PCDHA4: variants seen among roughly 807,000 people sequenced by gnomAD.
The protein encoded by PCDHA4 is protocadherin alpha 4, also known as protocadherin alpha-4.
In PCDHA4, 49 loss-of-function variants were observed where a neutral mutation model predicts 61.4. The ratio of observed to expected loss-of-function variants is 0.80; its 90% confidence interval spans 0.63 to 1.01. The LOEUF (loss-of-function observed/expected upper bound fraction) is 1.01, where lower values mean the gene tolerates loss of function less well. PCDHA4 is among the 50% of genes least tolerant of loss of function. PCDHA4 has a pLI of 0.00. For synonymous variants in PCDHA4, 590 were observed against 550.3 expected, an observed-to-expected ratio of 1.07 and a Z score of -1.01; for missense variants, 1,254 against 1,235.8, an observed-to-expected ratio of 1.01 and a Z score of -0.22.
At chr5:140,834,256 T>A in intron 1 of PCDHA4, 1 of 945,884 alleles carries the variant, frequency 1.1e-6, no homozygotes, top group South Asian at 1.7e-5. Flanking sequence ...GGAAAGACGC[T>A]CCACTCTCTT....
At chr5:140,977,591 A>T (rs1267599253) in intron 1 of PCDHA4, among the ~76,000 whole-genome samples, 2 of 152,164 alleles carry the variant, frequency 1.3e-5, no homozygotes, top group African/African-American at 4.8e-5. Context: ...AGCAGTTAGC[A>T]TGTGAGGACC....
chr5:140,839,017 T>A (rs2150294125), intron 1 of PCDHA4, among the ~76,000 whole-genome samples: 2 of 152,096 alleles, frequency 1.3e-5, no homozygotes, highest in Non-Finnish European at 2.9e-5. Flanking sequence ...TAAATTATTT[T>A]AGGATATGTT....
At chr5:140,848,855 C>T (rs2150422696) in intron 1 of PCDHA4, 6 of 1,590,444 alleles carry the variant, frequency 3.8e-6, no homozygotes, top group Non-Finnish European at 5.2e-6. Context: ...TCCATGTGGA[C>T]GTGGAGGTGA....
At chr5:140,857,314 G>C in intron 1 of PCDHA4, 1 of 1,598,746 alleles carries the variant, frequency 6.3e-7, no homozygotes, top group Non-Finnish European at 8.6e-7. Flanking sequence ...CCTATGAGCT[G>C]GTGGTGACCG....
intron 3 of PCDHA4, among the ~76,000 whole-genome samples, chr5:141,003,288 T>C (rs2098118136): frequency 2.0e-5 from 3 of 152,182 alleles, no homozygotes; most frequent in African/African-American, 7.2e-5. Context: ...AATTGGATTA[T>C]AGGATTACAT....
At chr5:141,005,967 A>ACAATTC (rs1554260442) in intron 3 of PCDHA4, among the ~76,000 whole-genome samples, 1 of 152,062 alleles carries the variant, frequency 6.6e-6, no homozygotes, top group Non-Finnish European at 1.5e-5. Flanking sequence ...CAATAAAAAA[A>ACAATTC]CAATTCCAAA....
intron 1 of PCDHA4, among the ~76,000 whole-genome samples, chr5:140,827,481 A>G (rs2150147833): frequency 1.8e-4 from 28 of 152,370 alleles, no homozygotes; most frequent in African/African-American, 6.5e-4. Flanking sequence ...TTGAACAAAG[A>G]AAGCATGGAC....
At chr5:140,922,107 T>C (rs1250364037) in intron 1 of PCDHA4, among the ~76,000 whole-genome samples, 1 of 152,028 alleles carries the variant, frequency 6.6e-6, no homozygotes, top group East Asian at 1.9e-4. Context: ...TATAGATAAA[T>C]GAAAATTCAC....
chr5:140,865,891 G>T (rs2153226953), intron 1 of PCDHA4: 1 of 152,240 alleles, frequency 6.6e-6, no homozygotes, highest in African/African-American at 2.4e-5. Context: ...AGCACAAATT[G>T]TGTACAGGCA....
chr5:141,000,615 A>G (rs2097951954), intron 3 of PCDHA4, among the ~76,000 whole-genome samples: 1 of 150,870 alleles, frequency 6.6e-6, no homozygotes, highest in South Asian at 2.1e-4. Context: ...TTTAGTAGAG[A>G]CAGGGTTTCA....
chr5:140,876,120 T>C (rs782687154), intron 1 of PCDHA4: 15 of 1,613,844 alleles, frequency 9.3e-6, no homozygotes, highest in East Asian at 6.7e-5. Context: ...TGGTAATCGA[T>C]GGCGGTAAAC....
chr5:140,907,616 GCT>G (rs1554193070), intron 1 of PCDHA4, among the ~76,000 whole-genome samples: 1 of 152,216 alleles, frequency 6.6e-6, no homozygotes, highest in Non-Finnish European at 1.5e-5. Context: ...CATATCAAGG[GCT>G]CAGTGTTGGT....
In PCDHA4 at chr5:140,931,701, A is replaced by G. The variant is rs78657610; in HGVS notation, c.2386-47248A>G. Among the ~76,000 whole-genome samples the G allele has an allele frequency of 8.3e-3, 1,259 of 152,106 alleles. 10 individuals are homozygous for G. Among genetic ancestry groups the G allele is most frequent in the Non-Finnish European group, 0.014 (970 of 67,850 alleles). ...TAAATGAATTGTGATTCATAAAACC[A>G]TGAATAAAATAACTTCTATAAATAT... On this transcript the variant is annotated intron_variant, in intron 1 of 3. Coordinates refer to ENST00000530339, the MANE Select transcript of PCDHA4 (RefSeq NM_018907.4).
intron 1 of PCDHA4, among the ~76,000 whole-genome samples, chr5:140,889,953 A>G (rs2062443064): frequency 6.6e-6 from 1 of 152,214 alleles, no homozygotes; most frequent in Non-Finnish European, 1.5e-5. Context: ...AGCCAAATGG[A>G]TAGAAAAATT....
intron 1 of PCDHA4, chr5:140,882,310 A>G (rs2059059274): frequency 6.2e-7 from 1 of 1,613,930 alleles, no homozygotes; most frequent in Non-Finnish European, 8.5e-7. Context: ...CGCGGCAACT[A>G]CTGCTCTGGC....
chr5:140,884,609 G>C (rs1554181782), intron 1 of PCDHA4: 4 of 1,614,138 alleles, frequency 2.5e-6, no homozygotes, highest in African/African-American at 1.3e-5. Flanking sequence ...TCCTTGTCTG[G>C]GTTCTGCAGA....
At chr5:140,955,312 C>T (rs1022804259) in intron 1 of PCDHA4, among the ~76,000 whole-genome samples, 2 of 152,100 alleles carry the variant, frequency 1.3e-5, no homozygotes, top group Admixed American at 6.6e-5. Flanking sequence ...ACCCAAATCT[C>T]ACCTTGAATT....
At chr5:140,955,522 C>A (rs1467341493) in intron 1 of PCDHA4, among the ~76,000 whole-genome samples, 5 of 152,180 alleles carry the variant, frequency 3.3e-5, no homozygotes, top group African/African-American at 1.2e-4. Context: ...GCTTTCCCTT[C>A]CACCATGATT....
At chr5:140,946,038 G>T (rs782421286) in intron 1 of PCDHA4, among the ~76,000 whole-genome samples, 29 of 152,042 alleles carry the variant, frequency 1.9e-4, no homozygotes, top group Non-Finnish European at 4.0e-4. Flanking sequence ...CAAGAGTGAA[G>T]GGACAATCCA....
Sources: allele counts gnomAD v4.1 joint callset (sites outside exome capture counted in the v4.1 genomes callset), GRCh38; gene constraint gnomAD v4.1.1; transcripts MANE v1.5; gene names NCBI Gene and HGNC (gene_info 2026-07-23, HGNC 2026-07-21).